The following SERGEF variants were observed in gnomAD, a reference collection of about 807,000 sequenced individuals.
The protein encoded by SERGEF is secretion-regulating guanine nucleotide exchange factor.
In SERGEF, 51 loss-of-function variants were observed where a neutral mutation model predicts 50.0. That is an observed-to-expected ratio of 1.02 (90% confidence interval 0.81 to 1.29). The LOEUF is 1.29. Among genes scored for constraint, SERGEF ranks in the 50% most tolerant of loss-of-function variants. The pLI is 0.00. For synonymous variants in SERGEF, 205 were observed against 212.4 expected (o/e 0.97, Z 0.30); for missense variants, 521 against 557.0 (o/e 0.94, Z 0.65).
chr11:17,996,984 T>C (rs1026474664), intron 5 of SERGEF, among the ~76,000 whole-genome samples: 37 of 152,244 alleles, frequency 2.4e-4, no homozygotes, highest in African/African-American at 8.4e-4. Context: ...CATGGGAGGA[T>C]TGCTTGAGCC....
At chr11:17,832,745 G>A (rs919172206) in intron 10 of SERGEF, among the ~76,000 whole-genome samples, 1 of 152,204 alleles carries the variant, frequency 6.6e-6, no homozygotes, top group African/African-American at 2.4e-5. Context: ...AATTTGTTGG[G>A]AACTGGAGCA....
chr11:18,008,346 A>C (rs1854126320), intron 1 of SERGEF, among the ~76,000 whole-genome samples: 2 of 152,200 alleles, frequency 1.3e-5, no homozygotes. Context: ...TTAGAAAGAG[A>C]CTCATGACCA....
chr11:17,988,762 C>T lies in SERGEF; in HGVS notation c.686-7G>A. On this transcript the variant is annotated splice_polypyrimidine_tract_variant and splice_region_variant and intron_variant, in intron 7 of 10. Transcript: ENST00000265965. Reference sequence around the variant, plus strand: ...ACATACACCTCTCCTGCATCTTAAACAAACAGAAGGGTAACAAAAGAGGTG... The same window carrying T: ...ACATACACCTCTCCTGCATCTTAAATAAACAGAAGGGTAACAAAAGAGGTG... 1.2e-6 allele frequency: 2 copies of T among 1,612,580 alleles called. No homozygotes were observed. The highest frequency in any genetic ancestry group is 1.7e-6 in the Non-Finnish European group (2 of 1,179,160).
intron 9 of SERGEF, among the ~76,000 whole-genome samples, chr11:17,900,931 C>T (rs1290751089): frequency 6.6e-6 from 1 of 152,154 alleles, no homozygotes; most frequent in Non-Finnish European, 1.5e-5. Flanking sequence ...TGGTGGCAGT[C>T]GTGGTGAAGA....
chr11:17,905,096 G>A (rs1233000048), intron 9 of SERGEF, among the ~76,000 whole-genome samples: 1 of 152,184 alleles, frequency 6.6e-6, no homozygotes, highest in Non-Finnish European at 1.5e-5. Context: ...ACACATTTCT[G>A]CATTTCAGTT....
chr11:17,910,201 T>TCTCG (rs68145983), intron 9 of SERGEF, among the ~76,000 whole-genome samples: 1 of 151,522 alleles, frequency 6.6e-6, no homozygotes, highest in Non-Finnish European at 1.5e-5. Context: ...ACACTCTCTC[T>TCTCG]CTCTCTCTCT....
Position 17,802,654 on chromosome 11 carries a change from C to T in SERGEF, c.1049-14241G>A, listed in dbSNP as rs1380028578. On this transcript the variant is annotated intron_variant, in intron 10 of 10. Transcript: ENST00000265965. Reference sequence around the variant, plus strand: ...AGCCACACTGGTCTCCTTGCTCTTCCTCCAACTGGCCAGTCATGCTTCCAG... The same window carrying T: ...AGCCACACTGGTCTCCTTGCTCTTCTTCCAACTGGCCAGTCATGCTTCCAG... Among the ~76,000 whole-genome samples the T allele has an allele frequency of 2.6e-5, 4 of 152,182 alleles. 1 individual carries two copies. Among genetic ancestry groups the T allele is most frequent in the African/African-American group, 9.7e-5 (4 of 41,448 alleles).
intron 9 of SERGEF, among the ~76,000 whole-genome samples, chr11:17,950,134 G>A (rs541950493): frequency 8.5e-5 from 13 of 152,176 alleles, no homozygotes; most frequent in Non-Finnish European, 1.8e-4. Flanking sequence ...ATTCAGGATA[G>A]GAAGCCGTCA....
chr11:17,980,745 C>A lies in SERGEF; in HGVS notation c.844+7852G>T, dbSNP rs558791034. ...ATGGCTCTGCCACAATTTGTTTAAC[C>A]AATCTCTCTTCAATTTTATTTGTTT... On this transcript the variant is annotated intron_variant, in intron 8 of 10. Transcript: ENST00000265965. 2.0e-5 allele frequency among the ~76,000 whole-genome samples: 3 copies of A among 152,286 alleles called. No individual in the cohort carries two copies. In the East Asian group the frequency reaches 5.8e-4, roughly 29 times the overall value.
At chr11:17,845,666 C>T in intron 10 of SERGEF, among the ~76,000 whole-genome samples, 1 of 152,142 alleles carries the variant, frequency 6.6e-6, no homozygotes, top group Non-Finnish European at 1.5e-5. Flanking sequence ...TTTCCTTTGG[C>T]ATTGGATACA....
chr11:17,857,368 T>G (rs1451197394), intron 10 of SERGEF, among the ~76,000 whole-genome samples: 1 of 152,216 alleles, frequency 6.6e-6, no homozygotes, highest in Non-Finnish European at 1.5e-5. Flanking sequence ...CCCAGGGTTC[T>G]TCTTACATTA....
At chr11:17,987,084 C>G (rs1255068854) in intron 8 of SERGEF, among the ~76,000 whole-genome samples, 1 of 152,178 alleles carries the variant, frequency 6.6e-6, no homozygotes, top group Non-Finnish European at 1.5e-5. Context: ...CCTCCATTTC[C>G]CCAAGGCTTA....
chr11:17,978,026 T>C (rs1396725338), intron 8 of SERGEF, among the ~76,000 whole-genome samples: 1 of 152,222 alleles, frequency 6.6e-6, no homozygotes, highest in African/African-American at 2.4e-5. Context: ...TGAAATAAAA[T>C]AAGCTTTGAT....
At chr11:17,915,140 CGTT>C (rs1472072854) in intron 9 of SERGEF, among the ~76,000 whole-genome samples, 2 of 149,058 alleles carry the variant, frequency 1.3e-5, no homozygotes, top group East Asian at 2.0e-4. Flanking sequence ...AGTAGATGCT[CGTT>C]GTATGAATGA....
intron 9 of SERGEF, among the ~76,000 whole-genome samples, chr11:17,958,625 A>C (rs777806041): frequency 1.3e-5 from 2 of 152,318 alleles, no homozygotes; most frequent in South Asian, 4.1e-4. Context: ...CCCCTTGATC[A>C]GGTTCCAGCC....
chr11:17,996,123 A>G (rs1853832956), intron 5 of SERGEF, among the ~76,000 whole-genome samples: 1 of 152,232 alleles, frequency 6.6e-6, no homozygotes, highest in African/African-American at 2.4e-5. Context: ...GACTAAGACC[A>G]TCAAAGCAAA....
chr11:17,880,052 A>T (rs1257919219), intron 9 of SERGEF, among the ~76,000 whole-genome samples: 1 of 152,228 alleles, frequency 6.6e-6, no homozygotes, highest in African/African-American at 2.4e-5. Context: ...CTGCACATTC[A>T]TAGGTGAGAA....
chr11:17,966,448 C>T (rs765560269), intron 8 of SERGEF, among the ~76,000 whole-genome samples: 18 of 152,000 alleles, frequency 1.2e-4, no homozygotes, highest in African/African-American at 2.4e-4. Flanking sequence ...ATGAGAGAAC[C>T]GCAACAGATG....
At position 17,936,667 on chromosome 11, in the gene SERGEF, C is replaced by T. The variant is rs78253539; in HGVS notation, c.1011+22803G>A. On this transcript the variant is annotated intron_variant, in intron 9 of 10. Transcript: ENST00000265965. ...CAAACGTGGCTCCAGCCAAGGAAAC[C>T]AACAGGCATTTCACAGAGAGACTCA... is the stretch of plus-strand genomic sequence containing the variant. 8.1e-3 allele frequency among the ~76,000 whole-genome samples: 1,237 copies of T among 152,222 alleles called. 5 individuals carry two copies. Among genetic ancestry groups the T allele is most frequent in the Non-Finnish European group, 0.013 (875 of 68,008 alleles).
Sources: gnomAD v4.1 joint callset for allele counts (sites outside exome capture counted in the v4.1 genomes callset) on GRCh38, gnomAD v4.1.1 for gene constraint, MANE v1.5 for transcripts, NCBI Gene and HGNC (gene_info 2026-07-23, HGNC 2026-07-21) for gene names.